Variants in NCBP2L observed in about 807,000 individuals in gnomAD.
NCBP2L encodes the protein nuclear cap-binding protein subunit 2-like.
For synonymous variants in NCBP2L, 39 were observed against 19.2 expected, an observed-to-expected ratio of 2.04 and a Z score of -2.70; for missense variants, 95 against 53.1, an observed-to-expected ratio of 1.79 and a Z score of -2.45.
intron 1 of NCBP2L, among the ~76,000 whole-genome samples, chrX:107,780,034 G>A (rs1185991824): frequency 1.8e-5 from 2 of 109,980 alleles, no homozygotes; most frequent in African/African-American, 6.6e-5. Context: ...GTGAGCCACC[G>A]CGCCCAGCCT....
In NCBP2L at chrX:107,789,174, C is replaced by CTTT. The variant is rs760912732; in HGVS notation, c.-72-4954_-72-4952dup. On this transcript the variant is annotated intron_variant, in intron 1 of 1. Coordinates refer to ENST00000509000, the MANE Select transcript of NCBP2L (RefSeq NM_001348372.2). ...GTTGTGTCCCTACATGTCCTAACCT[C>CTTT]TTTTTTTTTTTTTTTTTTTTTTTGG... Among the ~76,000 whole-genome samples, 179 of 66,987 alleles carry CTTT rather than the reference C, an allele frequency of 2.7e-3. 3 individuals are homozygous for CTTT. Among genetic ancestry groups the CTTT allele is most frequent in the African/African-American group, 1.0e-2 (159 of 15,911 alleles). 58.2% of individuals were successfully genotyped at this position (66,987 alleles called of 115,157 possible).
intron 1 of NCBP2L, among the ~76,000 whole-genome samples, chrX:107,793,322 C>T (rs1052498528): frequency 2.7e-5 from 3 of 110,856 alleles, no homozygotes; most frequent in Admixed American, 9.6e-5. Flanking sequence ...TCTCGTTTTG[C>T]GGTGTTTCTA....
rs1207351815 is a variant in NCBP2L at position 107,794,692 on chromosome X, T to C, written c.*10T>C. 6 of 556,408 alleles carry C rather than the reference T, an allele frequency of 1.1e-5. No individual in the cohort carries two copies. The highest frequency in any genetic ancestry group is 4.5e-5 in the African/African-American group (2 of 44,174). 45.9% of individuals were successfully genotyped at this position (556,408 alleles called of 1,213,427 possible). The stretch of plus-strand genomic sequence containing the variant: ...ACAGACTCAGATCTAGAACAATCCA[T>C]AGAGAAAAAGTTTTAACTCTAACCC... On this transcript the variant is annotated 3_prime_UTR_variant, in exon 2 of 2. Coordinates refer to ENST00000509000, the MANE Select transcript of NCBP2L (RefSeq NM_001348372.2).
intron 1 of NCBP2L, among the ~76,000 whole-genome samples, chrX:107,791,249 A>AC (rs1930447891): frequency 9.2e-6 from 1 of 109,267 alleles, no homozygotes; most frequent in Non-Finnish European, 1.9e-5. Flanking sequence ...TTACATTTAT[A>AC]CTTTTTTTTT....
At chrX:107,785,420 A>G (rs1003913095) in intron 1 of NCBP2L, among the ~76,000 whole-genome samples, 2 of 111,595 alleles carry the variant, frequency 1.8e-5, no homozygotes, top group African/African-American at 6.5e-5. Flanking sequence ...TAGCTAGTGC[A>G]AGTTTTAGTT....
intron 1 of NCBP2L, among the ~76,000 whole-genome samples, chrX:107,790,722 T>C (rs976415475): frequency 1.8e-5 from 2 of 111,894 alleles, no homozygotes; most frequent in Non-Finnish European, 3.8e-5. Flanking sequence ...TGACAATGAT[T>C]GGGTGGCTGG....
chrX:107,781,692 C>CTCTATATATA (rs1395038482), intron 1 of NCBP2L, among the ~76,000 whole-genome samples: 77 of 66,905 alleles, frequency 1.2e-3, no homozygotes, highest in Non-Finnish European at 1.4e-3. Flanking sequence ...CTCTCTCTCT[C>CTCTATATATA]TATATATATA....
rs1556347766 is a variant in NCBP2L, at chrX:107,794,416, A to G, written c.196A>G (p.Asn66Asp). The G allele has an allele frequency of 8.8e-6, 5 of 570,380 alleles. No homozygotes were observed. Among genetic ancestry groups the G allele is most frequent in the Non-Finnish European group, 1.6e-5 (5 of 309,477 alleles). 47.0% of individuals were successfully genotyped at this position (570,380 alleles called of 1,213,427 possible). Residue 66 changes from asparagine (N) to aspartate (D), a missense_variant, in exon 2 of 2, where the codon AAT becomes GAT. Coordinates refer to ENST00000509000, the MANE Select transcript of NCBP2L (RefSeq NM_001348372.2). ...ACTCTTTAGTAGATCTGATATCAGG[A>G]ATATCTTTATGGGCCTGGATAAAAT... is the stretch of plus-strand genomic sequence containing the variant. The part of the protein sequence containing the change: ...HELFSRSDIR[N>D]IFMGLDKIKK...
intron 1 of NCBP2L, among the ~76,000 whole-genome samples, chrX:107,781,664 A>ATCTCTCTCTCTCTCTCTC (rs1306466951): frequency 1.5e-5 from 1 of 65,441 alleles, no homozygotes; most frequent in Non-Finnish European, 2.5e-5. Context: ...CTATCTATCT[A>ATCTCTCTCTCTCTCTCTC]TCTATCTATC....
chrX:107,786,710 G>T (rs772127279), intron 1 of NCBP2L, among the ~76,000 whole-genome samples: 6 of 111,470 alleles, frequency 5.4e-5, no homozygotes, highest in African/African-American at 1.6e-4. Flanking sequence ...ACACTATGAG[G>T]TAAATACTAT....
intron 1 of NCBP2L, among the ~76,000 whole-genome samples, chrX:107,781,692 CTATATATATATATATATAGA>C: frequency 1.5e-5 from 1 of 66,919 alleles, no homozygotes; most frequent in South Asian, 6.7e-4. Flanking sequence ...CTCTCTCTCT[CTATATATATATATATATAGA>C]TCTATAGATA....
rs1282665097 is a variant in NCBP2L at position 107,780,732 on chromosome X, C to T, written c.-73+2874C>T. Among the ~76,000 whole-genome samples, 4 of 105,295 alleles carry T rather than the reference C, an allele frequency of 3.8e-5. No homozygotes were observed. In the Admixed American group the frequency reaches 4.1e-4, roughly 11 times the overall value. The allele number at this position is 105,295 out of a possible 115,157, so 91.4% of individuals were successfully genotyped here. A position where few individuals can be genotyped will look rare whatever the true frequency, so the allele number is the denominator to read the frequency against. On this transcript the variant is annotated intron_variant, in intron 1 of 1. Coordinates refer to ENST00000509000, the MANE Select transcript of NCBP2L (RefSeq NM_001348372.2). ...GCAACCTCTGCCTCCCGGGTTCGAG[C>T]GATTCTTGTGCTTCAGCCTCCCGAG...
Position 107,782,356 on chromosome X carries a change from TATATATATATAA to T in NCBP2L, c.-73+4510_-73+4521del, listed in dbSNP as rs1187615918. On this transcript the variant is annotated intron_variant, in intron 1 of 1. Transcript: ENST00000509000. ...ATATATAAATATATATATATAAATA[TATATATATATAA>T]ATATATATATATATATACCCACACA... 2.8e-3 allele frequency among the ~76,000 whole-genome samples: 113 copies of T among 40,391 alleles called. 22 individuals are homozygous for T. Among genetic ancestry groups the T allele is most frequent in the African/African-American group, 0.024 (103 of 4,251 alleles). 35.1% of individuals were successfully genotyped at this position (40,391 alleles called of 115,157 possible).
In NCBP2L at chrX:107,794,452, G is replaced by T. The variant is rs748534965; in HGVS notation, c.232G>T (p.Ala78Ser). 5 of 570,394 alleles carry T rather than the reference G, an allele frequency of 8.8e-6. No homozygotes were observed. In the Admixed American group the frequency reaches 8.8e-5, roughly 10 times the overall value. The allele number at this position is 570,394 out of a possible 1,213,427, so 47.0% of individuals were successfully genotyped here. A position where few individuals can be genotyped will look rare whatever the true frequency, so the allele number is the denominator to read the frequency against. The change falls in exon 2 of 2, where the codon GCA becomes TCA. Residue 78 changes from alanine to serine, a missense_variant. By Grantham distance (99) the Ala-to-Ser change is moderately conservative. Transcript: ENST00000509000. ...FMGLDKIKKT[A>S]CGFCFVECHN... is the part of the protein sequence containing the mutation. ...GGGCCTGGATAAAATAAAGAAAACA[G>T]CATGTGGTTTTTGCTTTGTAGAATG...
At chrX:107,791,542 G>A (rs902003477) in intron 1 of NCBP2L, among the ~76,000 whole-genome samples, 1 of 112,344 alleles carries the variant, frequency 8.9e-6, no homozygotes, top group African/African-American at 3.2e-5. Flanking sequence ...CACTGCACCC[G>A]GCCTTACATT....
chrX:107,794,258 C>A lies in NCBP2L; in HGVS notation c.38C>A (p.Ala13Asp). ...CTGAAAATTCTATGTAAAGACCCTG[C>A]TTTGGAGCTGAGCTGCTACCGGGAC... ...KDLKILCKDP[A>D]LELSCYRDHQ... Residue 13 changes from alanine (A) to aspartate (D), a missense_variant, in exon 2 of 2, where the codon GCT becomes GAT. Coordinates refer to ENST00000509000, the MANE Select transcript of NCBP2L (RefSeq NM_001348372.2). 1.8e-6 allele frequency: 1 copy of A among 563,460 alleles called. No individual in the cohort carries two copies. The highest frequency in any genetic ancestry group is 3.2e-5 in the East Asian group (1 of 30,785). 46.4% of individuals were successfully genotyped at this position (563,460 alleles called of 1,213,427 possible). A position where few individuals can be genotyped will look rare whatever the true frequency, so the allele number is the denominator to read the frequency against.
chrX:107,782,862 A>G (rs1425854711), intron 1 of NCBP2L, among the ~76,000 whole-genome samples: 1 of 108,443 alleles, frequency 9.2e-6, no homozygotes, highest in Non-Finnish European at 1.9e-5. Context: ...ACACACATAT[A>G]TACACATAAT....
At chrX:107,789,086 T>G (rs1930418877) in intron 1 of NCBP2L, among the ~76,000 whole-genome samples, 1 of 110,736 alleles carries the variant, frequency 9.0e-6, no homozygotes, top group Admixed American at 9.7e-5. Context: ...TATTCCATTA[T>G]GAAAATCTAG....
chrX:107,783,858 A>ATGTGTGTGTGTGTGTGTG (rs756413239), intron 1 of NCBP2L, among the ~76,000 whole-genome samples: 75 of 96,978 alleles, frequency 7.7e-4, no homozygotes, highest in Middle Eastern at 0.011. Flanking sequence ...TGGTGTGCGT[A>ATGTGTGTGTGTGTGTGTG]TGTGTGTGTG....
Sources: allele counts gnomAD v4.1 joint callset (sites outside exome capture counted in the v4.1 genomes callset), GRCh38; gene constraint gnomAD v4.1.1; transcripts MANE v1.5; gene names NCBI Gene and HGNC (gene_info 2026-07-23, HGNC 2026-07-21).